RASAL2: variants seen among roughly 807,000 people sequenced by gnomAD.
RASAL2 encodes the protein ras GTPase-activating protein nGAP.
RASAL2 carries 58 observed loss-of-function variants against 128.9 expected under a neutral mutation model. The observed-to-expected ratio is 0.45, with a 90% CI of 0.36 to 0.56. The LOEUF (loss-of-function observed/expected upper bound fraction) is 0.56. Among genes scored for constraint, RASAL2 ranks in the 20% least tolerant of loss-of-function variants. RASAL2 has a pLI of 0.00. For synonymous variants in RASAL2, 561 were observed against 580.8 expected (o/e 0.97, Z 0.49); for missense variants, 1,360 against 1,601.6 (o/e 0.85, Z 2.57).
At chr1:178,469,170 G>A (rs948744081) in intron 17 of RASAL2, among the ~76,000 whole-genome samples, 1 of 152,106 alleles carries the variant, frequency 6.6e-6, no homozygotes, top group South Asian at 2.1e-4. Context: ...GGTGGCTCAT[G>A]CCTGTAGTCC....
chr1:178,330,356 A>G (rs963822475), intron 3 of RASAL2, among the ~76,000 whole-genome samples: 1 of 152,196 alleles, frequency 6.6e-6, no homozygotes, highest in African/African-American at 2.4e-5. Context: ...TTATTTCACT[A>G]AAGTATTCTA....
chr1:178,111,370 A>G (rs377193288), intron 1 of RASAL2, among the ~76,000 whole-genome samples: 4 of 152,150 alleles, frequency 2.6e-5, no homozygotes, highest in South Asian at 4.1e-4. Context: ...TGGCCTCCCA[A>G]AGTGCTAGGA....
At chr1:178,168,576 A>G (rs1377525701) in intron 1 of RASAL2, among the ~76,000 whole-genome samples, 1 of 152,080 alleles carries the variant, frequency 6.6e-6, no homozygotes, top group Non-Finnish European at 1.5e-5. Flanking sequence ...AAAATTTGGA[A>G]TTGTGGTATG....
intron 1 of RASAL2, among the ~76,000 whole-genome samples, chr1:178,235,031 T>C (rs1049496939): frequency 5.3e-5 from 8 of 152,150 alleles, no homozygotes; most frequent in African/African-American, 1.9e-4. Context: ...TTCTCCTTAC[T>C]CTTGGCAAAT....
intron 5 of RASAL2, among the ~76,000 whole-genome samples, chr1:178,433,048 CA>C (rs1281454025): frequency 1.3e-5 from 2 of 152,076 alleles, no homozygotes; most frequent in Non-Finnish European, 2.9e-5. Context: ...TGATCTCTCT[CA>C]AACGTCATTA....
Position 178,454,518 on chromosome 1 carries a change from G to A in RASAL2, c.2081G>A (p.Arg694His), listed in dbSNP as rs753745884. Residue 694 changes from arginine (R) to histidine (H), a missense_variant, in exon 12 of 18, where the codon CGC becomes CAC. Arg to His is a conservative substitution (Grantham distance 29). Transcript: ENST00000367649. ...GAACATGAATGGGGTGGAATGAAGC[G>A]CTTTCTTTTGGAGATCTCTAATCCA... ...FLEHEWGGMKRFLLEISNPDT... is the reference protein window; with the variant it reads ...FLEHEWGGMKHFLLEISNPDT... The A allele has an allele frequency of 1.7e-5, 28 of 1,613,452 alleles. No homozygotes were observed. The highest frequency in any genetic ancestry group is 5.0e-5 in the Admixed American group (3 of 59,970).
At chr1:178,301,738 T>C (rs1351767736) in intron 3 of RASAL2, among the ~76,000 whole-genome samples, 2 of 152,180 alleles carry the variant, frequency 1.3e-5, no homozygotes, top group African/African-American at 2.4e-5. Flanking sequence ...AGCCTGACTA[T>C]TGTCTTTACC....
At chr1:178,233,572 A>G (rs3748789) in intron 1 of RASAL2, among the ~76,000 whole-genome samples, 2 of 152,236 alleles carry the variant, frequency 1.3e-5, no homozygotes, top group African/African-American at 2.4e-5. Context: ...CGACAACAAC[A>G]AAAGGTCATC....
Position 178,452,638 on chromosome 1 carries a change from G to A in RASAL2, c.1995G>A (p.Leu665=), listed in dbSNP as rs763695161. The A allele has an allele frequency of 8.1e-6, 13 of 1,612,616 alleles. No homozygotes were observed. Among genetic ancestry groups the A allele is most frequent in the Non-Finnish European group, 1.1e-5 (13 of 1,178,700 alleles). The change falls in exon 11 of 18, where the codon CTG becomes CTA. Residue 665 remains leucine (L), a synonymous_variant. Coordinates refer to ENST00000367649, the MANE Select transcript of RASAL2 (RefSeq NM_170692.4). ...LTLIAKVIQN[L]ANFAKFGNKE... ...TTATTGCCAAGGTCATTCAGAACCT[G>A]GCCAACTTTGCCAAGTAGGTGATAC...
rs374296942 is a variant in RASAL2 at position 178,472,037 on chromosome 1, C to G, written c.3679-1038C>G. On this transcript the variant is annotated intron_variant, in intron 17 of 17. Coordinates refer to ENST00000367649, the MANE Select transcript of RASAL2 (RefSeq NM_170692.4). ...TTAATTTTACAGGCATAGGTAAAGACTGTTTCCTGCGTTGTTTTCTGAAAA... is the reference window on the plus strand; with the variant it reads ...TTAATTTTACAGGCATAGGTAAAGAGTGTTTCCTGCGTTGTTTTCTGAAAA... Among the ~76,000 whole-genome samples the G allele has an allele frequency of 2.6e-5, 4 of 152,302 alleles. No individual in the cohort carries two copies. In the East Asian group the frequency reaches 7.7e-4, roughly 29 times the overall value.
intron 3 of RASAL2, among the ~76,000 whole-genome samples, chr1:178,306,876 AG>A (rs1214801669): frequency 4.0e-5 from 2 of 50,372 alleles, no homozygotes; most frequent in Non-Finnish European, 7.1e-5. Flanking sequence ...GGGTGGGGGG[AG>A]GGGGGAGGGA....
intron 1 of RASAL2, among the ~76,000 whole-genome samples, chr1:178,142,874 A>T (rs1347388784): frequency 6.6e-6 from 1 of 151,748 alleles, no homozygotes; most frequent in African/African-American, 2.4e-5. Flanking sequence ...GAAAGTATCT[A>T]CCCAGAATAG....
chr1:178,442,362 A>G (rs1479715175), intron 7 of RASAL2, among the ~76,000 whole-genome samples: 1 of 152,286 alleles, frequency 6.6e-6, no homozygotes, highest in East Asian at 1.9e-4. Flanking sequence ...TTAACAGCTT[A>G]TCTCTTTTAT....
At chr1:178,166,011 C>A (rs964498629) in intron 1 of RASAL2, among the ~76,000 whole-genome samples, 1 of 152,080 alleles carries the variant, frequency 6.6e-6, no homozygotes, top group Non-Finnish European at 1.5e-5. Flanking sequence ...CTCACCAAAC[C>A]CACTTTACCC....
chr1:178,235,267 G>T lies in RASAL2; in HGVS notation c.203-48297G>T, dbSNP rs548983299. On this transcript the variant is annotated intron_variant, in intron 1 of 17. Coordinates refer to ENST00000367649, the MANE Select transcript of RASAL2 (RefSeq NM_170692.4). ...GTTAGCATGTGTGCATTTGATAAAA[G>T]AAGCAATACTTTAAATTTTTGCATT... Among the ~76,000 whole-genome samples the T allele has an allele frequency of 2.2e-3, 333 of 152,202 alleles. 3 individuals are homozygous for T. The highest frequency in any genetic ancestry group is 7.5e-3 in the African/African-American group (311 of 41,548).
intron 1 of RASAL2, among the ~76,000 whole-genome samples, chr1:178,119,885 C>T (rs1659653811): frequency 1.3e-5 from 2 of 152,168 alleles, no homozygotes; most frequent in Admixed American, 1.3e-4. Flanking sequence ...GAACACATGC[C>T]ACCCTTTGAA....
chr1:178,356,966 C>T (rs1387206352), intron 3 of RASAL2, among the ~76,000 whole-genome samples: 1 of 152,088 alleles, frequency 6.6e-6, no homozygotes, highest in Non-Finnish European at 1.5e-5. Context: ...ATCTGTTCCC[C>T]TCCTTTTGAA....
intron 1 of RASAL2, among the ~76,000 whole-genome samples, chr1:178,221,850 A>G (rs929044323): frequency 5.3e-5 from 8 of 152,136 alleles, no homozygotes; most frequent in African/African-American, 1.9e-4. Context: ...TTCTGATAAG[A>G]GGGCTGTTAA....
At chr1:178,321,331 C>T (rs1242470303) in intron 3 of RASAL2, among the ~76,000 whole-genome samples, 1 of 152,088 alleles carries the variant, frequency 6.6e-6, no homozygotes, top group Non-Finnish European at 1.5e-5. Context: ...GGTGATCCAC[C>T]CACCTCGGCC....
Sources: gnomAD v4.1 joint callset for allele counts (sites outside exome capture counted in the v4.1 genomes callset) on GRCh38, gnomAD v4.1.1 for gene constraint, MANE v1.5 for transcripts, NCBI Gene and HGNC (gene_info 2026-07-23, HGNC 2026-07-21) for gene names.